The following BTLA variants were observed in gnomAD, a reference collection of about 807,000 sequenced individuals.
The protein encoded by BTLA is B- and T-lymphocyte attenuator.
A neutral mutation model predicts 25.0 loss-of-function variants in BTLA; 11 were observed. The ratio of observed to expected loss-of-function variants is 0.44; its 90% CI spans 0.28 to 0.73. The LOEUF (loss-of-function observed/expected upper bound fraction) is 0.73. Ranked by LOEUF, BTLA falls within the 30% of genes least tolerant of loss-of-function variation. The probability of loss-of-function intolerance (pLI) is 0.15; values close to 1 mark genes in which losing one functional copy is unlikely to be tolerated. For missense variants in BTLA, 282 were observed against 332.8 expected, an observed-to-expected ratio of 0.85 and a Z score of 1.19; for synonymous variants, 104 against 119.8, an observed-to-expected ratio of 0.87 and a Z score of 0.86.
At chr3:112,472,814 G>A (rs1296818439) in intron 2 of BTLA, among the ~76,000 whole-genome samples, 2 of 152,104 alleles carry the variant, frequency 1.3e-5, no homozygotes, top group Non-Finnish European at 2.9e-5. Context: ...TGGTTATTCA[G>A]AGTGGTAACA....
intron 1 of BTLA, among the ~76,000 whole-genome samples, chr3:112,487,311 G>A (rs943550366): frequency 3.3e-5 from 5 of 152,210 alleles, no homozygotes; most frequent in African/African-American, 7.2e-5. Context: ...CCGGCCGGGC[G>A]TGGTGACTCA....
intron 1 of BTLA, among the ~76,000 whole-genome samples, chr3:112,486,514 A>G (rs1041809384): frequency 6.6e-6 from 1 of 152,228 alleles, no homozygotes. Flanking sequence ...TATTTATTCA[A>G]TCATTTTTAT....
At chr3:112,483,269 C>T (rs975147277) in intron 1 of BTLA, among the ~76,000 whole-genome samples, 9 of 151,054 alleles carry the variant, frequency 6.0e-5, no homozygotes, top group Admixed American at 5.3e-4. Flanking sequence ...CTGCCTCAGC[C>T]TCCCGGGTAA....
intron 2 of BTLA, among the ~76,000 whole-genome samples, chr3:112,478,474 C>T (rs567478713): frequency 3.3e-5 from 5 of 151,818 alleles, no homozygotes; most frequent in Non-Finnish European, 7.4e-5. Flanking sequence ...GTGTGTTGAT[C>T]CTGTATCATG....
intron 1 of BTLA, among the ~76,000 whole-genome samples, chr3:112,481,556 G>A (rs999327576): frequency 6.6e-6 from 1 of 152,344 alleles, no homozygotes; most frequent in South Asian, 2.1e-4. Flanking sequence ...GGGCATTCTA[G>A]TTTCCCCTGA....
chr3:112,494,827 C>T (rs1384105358), intron 1 of BTLA, among the ~76,000 whole-genome samples: 1 of 152,046 alleles, frequency 6.6e-6, no homozygotes, highest in East Asian at 1.9e-4. Context: ...CACACGTATA[C>T]CTATGTAACA....
At chr3:112,482,905 G>A (rs1016281896) in intron 1 of BTLA, among the ~76,000 whole-genome samples, 1 of 152,164 alleles carries the variant, frequency 6.6e-6, no homozygotes, top group African/African-American at 2.4e-5. Context: ...GAAAGGTCAA[G>A]TGAAACTCTT....
chr3:112,485,344 G>A (rs1034476177), intron 1 of BTLA, among the ~76,000 whole-genome samples: 1 of 152,004 alleles, frequency 6.6e-6, no homozygotes, highest in African/African-American at 2.4e-5. Context: ...CGGCCTGGCC[G>A]ACAAATAGCA....
rs112938840 is a variant in BTLA at position 112,488,435 on chromosome 3, G to A, written c.89-8666C>T. Among the ~76,000 whole-genome samples the A allele has an allele frequency of 2.4e-3, 361 of 152,202 alleles. 2 individuals are homozygous for A. Among genetic ancestry groups the A allele is most frequent in the African/African-American group, 8.4e-3 (350 of 41,548 alleles). Reference sequence around the variant, plus strand: ...GACGGGGTTTTACCCGGTTAACCAGGATGGTCTCGATCTCCTGACCTCGTG... The same window carrying A: ...GACGGGGTTTTACCCGGTTAACCAGAATGGTCTCGATCTCCTGACCTCGTG... On this transcript the variant is annotated intron_variant, in intron 1 of 4. Transcript: ENST00000334529.
intron 2 of BTLA, among the ~76,000 whole-genome samples, chr3:112,473,937 A>T (rs918528482): frequency 2.0e-5 from 3 of 152,058 alleles, no homozygotes; most frequent in Admixed American, 1.3e-4. Context: ...CTTAATCTGA[A>T]ACTGACCAAG....
chr3:112,467,301 G>A (rs1157245934), intron 4 of BTLA, among the ~76,000 whole-genome samples: 1 of 152,124 alleles, frequency 6.6e-6, no homozygotes, highest in Non-Finnish European at 1.5e-5. Flanking sequence ...ATATCTTAGA[G>A]CTTCTAAGAA....
intron 1 of BTLA, among the ~76,000 whole-genome samples, chr3:112,496,247 C>T (rs2082408505): frequency 6.6e-6 from 1 of 152,194 alleles, no homozygotes; most frequent in South Asian, 2.1e-4. Context: ...ATCTTGCCAG[C>T]ATGATCTGCC....
chr3:112,490,982 C>CA (rs2082377068), intron 1 of BTLA, among the ~76,000 whole-genome samples: 1 of 152,142 alleles, frequency 6.6e-6, no homozygotes, highest in Non-Finnish European at 1.5e-5. Flanking sequence ...CTCTTCAATG[C>CA]AGTTGTATTG....
At chr3:112,483,705 C>T (rs111550968) in intron 1 of BTLA, among the ~76,000 whole-genome samples, 21 of 151,876 alleles carry the variant, frequency 1.4e-4, no homozygotes, top group Admixed American at 4.6e-4. Context: ...TGGTGGCTCA[C>T]GCCTGTAATC....
intron 1 of BTLA, among the ~76,000 whole-genome samples, chr3:112,498,542 C>A (rs1393850452): frequency 1.4e-5 from 2 of 143,722 alleles, no homozygotes; most frequent in African/African-American, 5.2e-5. Flanking sequence ...AGGTAGGAAG[C>A]GACTTTACAA....
chr3:112,474,918 G>A (rs2107315941), intron 2 of BTLA, among the ~76,000 whole-genome samples: 1 of 152,290 alleles, frequency 6.6e-6, no homozygotes. Context: ...GACTTTGAAT[G>A]CTGGTTAACA....
intron 4 of BTLA, among the ~76,000 whole-genome samples, chr3:112,467,551 G>C (rs1272179321): frequency 6.6e-6 from 1 of 152,176 alleles, no homozygotes; most frequent in Non-Finnish European, 1.5e-5. Context: ...TACTTTGTCT[G>C]GTCCTTTGTC....
rs1240221761 is a variant in BTLA at position 112,469,623 on chromosome 3, A to AG, written c.594+134_594+135insC. 3.5e-4 allele frequency: 11 copies of AG among 31,612 alleles called. 1 individual carries two copies. The highest frequency in any genetic ancestry group is 9.7e-4 in the Non-Finnish European group (7 of 7,226). 2.0% of individuals were successfully genotyped at this position (31,612 alleles called of 1,614,324 possible). On this transcript the variant is annotated intron_variant, in intron 4 of 4. Coordinates refer to ENST00000334529, the MANE Select transcript of BTLA (RefSeq NM_181780.4). ...TGGGTCTATGTATATATATATATAT[A>AG]TATATATATATATATATATATATAT...
At chr3:112,487,095 G>A (rs901500306) in intron 1 of BTLA, among the ~76,000 whole-genome samples, 6 of 152,200 alleles carry the variant, frequency 3.9e-5, no homozygotes, top group African/African-American at 1.4e-4. Flanking sequence ...TAACTGGGAA[G>A]TTCTCTGAGT....
Sources: allele counts gnomAD v4.1 joint callset (sites outside exome capture counted in the v4.1 genomes callset), GRCh38; gene constraint gnomAD v4.1.1; transcripts MANE v1.5; gene names NCBI Gene and HGNC (gene_info 2026-07-23, HGNC 2026-07-21).